Variants in DENND1A observed in about 807,000 individuals in gnomAD.
The protein encoded by DENND1A is DENN domain containing 1A.
Under a neutral mutation model 113.7 loss-of-function variants are expected in DENND1A, and 51 were observed. That is an observed-to-expected ratio of 0.45 (90% CI 0.36 to 0.57). The LOEUF is 0.57. Among genes scored for constraint, DENND1A ranks in the 20% least tolerant of loss-of-function variants. DENND1A has a pLI of 0.00. For synonymous variants in DENND1A, 565 were observed against 570.8 expected (o/e 0.99, Z 0.14); for missense variants, 1,258 against 1,395.9 (o/e 0.90, Z 1.57).
At chr9:123,636,970 G>A (rs986179122) in intron 9 of DENND1A, among the ~76,000 whole-genome samples, 1 of 152,194 alleles carries the variant, frequency 6.6e-6, no homozygotes, top group South Asian at 2.1e-4. Context: ...GATTATAGGC[G>A]TGAGCCACCG....
intron 5 of DENND1A, among the ~76,000 whole-genome samples, chr9:123,686,569 C>T (rs900446757): frequency 9.9e-5 from 15 of 152,194 alleles, no homozygotes; most frequent in Middle Eastern, 3.2e-3. Context: ...AGTCATGTGT[C>T]AGCTCTTTAT....
chr9:123,503,351 G>A (rs915671457), intron 13 of DENND1A, among the ~76,000 whole-genome samples: 3 of 152,130 alleles, frequency 2.0e-5, no homozygotes, highest in Admixed American at 1.3e-4. Context: ...AGAGTACTTC[G>A]CACAGCCCCT....
At chr9:123,901,232 G>C (rs1239453006) in intron 1 of DENND1A, among the ~76,000 whole-genome samples, 1 of 152,146 alleles carries the variant, frequency 6.6e-6, no homozygotes, top group African/African-American at 2.4e-5. Context: ...CCAGTCAGGA[G>C]GAATTACAGC....
chr9:123,803,176 G>A (rs1280209168), intron 2 of DENND1A, among the ~76,000 whole-genome samples: 1 of 152,128 alleles, frequency 6.6e-6, no homozygotes, highest in East Asian at 1.9e-4. Flanking sequence ...CACCCATATA[G>A]CTAACAGGGG....
intron 9 of DENND1A, among the ~76,000 whole-genome samples, chr9:123,632,368 TGATATA>T (rs755929202): frequency 5.3e-5 from 8 of 152,042 alleles, no homozygotes; most frequent in Non-Finnish European, 1.0e-4. Flanking sequence ...TAAAGGAGGG[TGATATA>T]GATATATATA....
chr9:123,552,208 T>A (rs571190633), intron 13 of DENND1A, among the ~76,000 whole-genome samples: 3 of 152,254 alleles, frequency 2.0e-5, no homozygotes, highest in African/African-American at 7.2e-5. Flanking sequence ...GGCCACGGAC[T>A]GGAGCTGTCC....
At chr9:123,762,306 G>T (rs1286466151) in intron 4 of DENND1A, among the ~76,000 whole-genome samples, 1 of 152,202 alleles carries the variant, frequency 6.6e-6, no homozygotes, top group East Asian at 1.9e-4. Context: ...TGTGCTTCTT[G>T]TAGCTTCCCG....
chr9:123,716,729 A>T (rs1285581574), intron 5 of DENND1A, among the ~76,000 whole-genome samples: 2 of 152,210 alleles, frequency 1.3e-5, no homozygotes, highest in African/African-American at 4.8e-5. Context: ...TGCCTTTGTG[A>T]CTTCTCCTAA....
In DENND1A at chr9:123,882,135, C is replaced by T. The variant is rs118001349; in HGVS notation, c.18-3114G>A. 3.7e-4 allele frequency among the ~76,000 whole-genome samples: 56 copies of T among 152,034 alleles called. No homozygotes were observed. The East Asian group carries it at 0.01, about 28-fold the overall frequency. On this transcript the variant is annotated intron_variant, in intron 1 of 23. Coordinates refer to ENST00000394215, the MANE Select transcript of DENND1A (RefSeq NM_001352964.2). ...GGCTTTCATTACCATGCATACAAGC[C>T]CCAGTCACATCTCCAACCTGACTAC...
At chr9:123,631,315 A>G (rs2061465679) in intron 9 of DENND1A, among the ~76,000 whole-genome samples, 1 of 152,164 alleles carries the variant, frequency 6.6e-6, no homozygotes, top group African/African-American at 2.4e-5. Context: ...CTAAGGTTGA[A>G]CATTTTGTCA....
At chr9:123,639,099 A>T (rs2061884396) in intron 9 of DENND1A, among the ~76,000 whole-genome samples, 1 of 151,022 alleles carries the variant, frequency 6.6e-6, no homozygotes, top group Non-Finnish European at 1.5e-5. Flanking sequence ...AAGAAAAAGA[A>T]AAAGGACTGT....
intron 16 of DENND1A, among the ~76,000 whole-genome samples, chr9:123,453,389 A>G (rs2047879324): frequency 6.6e-6 from 1 of 152,212 alleles, no homozygotes; most frequent in Admixed American, 6.5e-5. Context: ...GACAGGAAAT[A>G]GCACAAAAAA....
chr9:123,600,333 T>C (rs1378748866), intron 11 of DENND1A, among the ~76,000 whole-genome samples: 1 of 152,224 alleles, frequency 6.6e-6, no homozygotes, highest in South Asian at 2.1e-4. Flanking sequence ...AGTGTTTTCA[T>C]GTACCTTCTT....
chr9:123,399,426 CATG>C (rs2043312085), intron 21 of DENND1A, among the ~76,000 whole-genome samples: 1 of 152,012 alleles, frequency 6.6e-6, no homozygotes, highest in Non-Finnish European at 1.5e-5. Flanking sequence ...TGTGCAGTGT[CATG>C]ATCTCAGCTC....
rs77889353 is a variant in DENND1A at position 123,487,073 on chromosome 9, C to G, written c.994-29176G>C. On this transcript the variant is annotated intron_variant, in intron 13 of 23. Coordinates refer to ENST00000394215, the MANE Select transcript of DENND1A (RefSeq NM_001352964.2). ...TCAAGCTAGAAGGACCATAGAGGCC[C>G]CCATATTTCTATAGCAAAGCAAGAG... Among the ~76,000 whole-genome samples, 644 of 152,168 alleles carry G rather than the reference C, an allele frequency of 4.2e-3. 4 individuals are homozygous for G. Among genetic ancestry groups the G allele is most frequent in the African/African-American group, 0.015 (612 of 41,516 alleles).
Position 123,806,508 on chromosome 9 carries a change from C to T in DENND1A, c.89-13878G>A, listed in dbSNP as rs533618960. 5.9e-5 allele frequency among the ~76,000 whole-genome samples: 9 copies of T among 152,252 alleles called. No homozygotes were observed. The South Asian group carries it at 1.2e-3, about 21-fold the overall frequency. ...CTGACCTCAGGTGATCTGCCCGCCT[C>T]GGTCTCCCAAAGTGCTGGGATTACA... On this transcript the variant is annotated intron_variant, in intron 2 of 23. Transcript: ENST00000394215.
At chr9:123,727,714 GAA>G (rs57183663) in intron 5 of DENND1A, among the ~76,000 whole-genome samples, 3 of 145,546 alleles carry the variant, frequency 2.1e-5, no homozygotes, top group Admixed American at 1.4e-4. Context: ...ATAAGGGAAA[GAA>G]AAAAAAAAGG....
In DENND1A at chr9:123,557,587, C is replaced by T. The variant is rs776432167; in HGVS notation, c.976G>A (p.Ala326Thr). 7 of 1,613,826 alleles carry T rather than the reference C, an allele frequency of 4.3e-6. No individual in the cohort carries two copies. The highest frequency in any genetic ancestry group is 4.2e-6 in the Non-Finnish European group (5 of 1,179,854). The change falls in exon 13 of 24, where the codon GCT becomes ACT. Residue 326 changes from alanine to threonine, a missense_variant. Ala to Thr is a moderately conservative substitution (Grantham distance 58). Coordinates refer to ENST00000394215, the MANE Select transcript of DENND1A (RefSeq NM_001352964.2). ...QAAFFGSYRN[A>T]LKIEPEEPIT... ...CTACTCACCGGCTCGATTTTCAGAGCGTTTCGGTAGCTACCGAAGAAAGCA... is the reference window on the plus strand; with the variant it reads ...CTACTCACCGGCTCGATTTTCAGAGTGTTTCGGTAGCTACCGAAGAAAGCA...
chr9:123,389,029 C>T lies in DENND1A; in HGVS notation c.1632-1171G>A, dbSNP rs555871135. Among the ~76,000 whole-genome samples, 67 of 152,368 alleles carry T rather than the reference C, an allele frequency of 4.4e-4. 1 individual carries two copies. The highest frequency in any genetic ancestry group is 7.2e-4 in the Non-Finnish European group (49 of 68,038). ...CCCCAGCCCCCAGCTAAAGCCGTCT[C>T]CCTTCTCTGCTCTGTATGCTAGAAT... On this transcript the variant is annotated intron_variant, in intron 21 of 23. Coordinates refer to ENST00000394215, the MANE Select transcript of DENND1A (RefSeq NM_001352964.2).
Sources: allele counts gnomAD v4.1 joint callset (sites outside exome capture counted in the v4.1 genomes callset), GRCh38; gene constraint gnomAD v4.1.1; transcripts MANE v1.5; gene names NCBI Gene and HGNC (gene_info 2026-07-23, HGNC 2026-07-21).